CPVL: variants seen among roughly 807,000 people sequenced by gnomAD.
CPVL encodes carboxypeptidase vitellogenic like, also known as probable serine carboxypeptidase CPVL.
A neutral mutation model predicts 63.7 loss-of-function variants in CPVL; 51 were observed. The observed-to-expected ratio is 0.80, with a 90% confidence interval of 0.64 to 1.01. The LOEUF is 1.01. CPVL is among the 50% of genes least tolerant of loss of function. The pLI, the probability that CPVL is intolerant of heterozygous loss-of-function variation, is 0.00. For synonymous variants in CPVL, 195 were observed against 206.0 expected (o/e 0.95, Z 0.46); for missense variants, 530 against 573.1 (o/e 0.92, Z 0.77).
chr7:29,178,797 A>T (rs558648408), intron 5 of CPVL, among the ~76,000 whole-genome samples: 1 of 152,232 alleles, frequency 6.6e-6, no homozygotes, highest in Non-Finnish European at 1.5e-5. Flanking sequence ...ATGAAAAATG[A>T]CTTAAATCCC....
chr7:29,140,535 T>C (rs73089048), intron 1 of CPVL, among the ~76,000 whole-genome samples: 23,907 of 152,182 alleles, frequency 0.16, 2,143 homozygotes, highest in East Asian at 0.31. Flanking sequence ...TGCAGTTCTG[T>C]GCCCCACTAC....
At chr7:29,171,233 C>A (rs759489520) in intron 5 of CPVL, among the ~76,000 whole-genome samples, 1 of 152,144 alleles carries the variant, frequency 6.6e-6, no homozygotes, top group Non-Finnish European at 1.5e-5. Context: ...TCACCTAATA[C>A]GCGTCCTACT....
chr7:29,088,791 G>A (rs1005067882), intron 6 of CPVL, among the ~76,000 whole-genome samples: 14 of 152,184 alleles, frequency 9.2e-5, no homozygotes, highest in African/African-American at 3.4e-4. Context: ...TCTGGCCAAC[G>A]TGGTGAAACC....
intron 11 of CPVL, among the ~76,000 whole-genome samples, chr7:29,043,944 G>A (rs1364074214): frequency 6.6e-6 from 1 of 152,132 alleles, no homozygotes; most frequent in Non-Finnish European, 1.5e-5. Context: ...AAACTGGAGT[G>A]GAAAGAGCAT....
At chr7:29,001,904 T>C (rs1342233761) in intron 12 of CPVL, among the ~76,000 whole-genome samples, 2 of 152,230 alleles carry the variant, frequency 1.3e-5, no homozygotes, top group Non-Finnish European at 2.9e-5. Flanking sequence ...CACAATAGCA[T>C]GTACCAAACC....
intron 11 of CPVL, among the ~76,000 whole-genome samples, chr7:29,057,965 C>G (rs545267084): frequency 6.6e-6 from 1 of 152,108 alleles, no homozygotes; most frequent in African/African-American, 2.4e-5. Context: ...TGTCAATCTT[C>G]TGACTTTATT....
chr7:29,058,446 CATAA>C lies in CPVL; in HGVS notation c.1137+5611_1137+5614del, dbSNP rs534056029. On this transcript the variant is annotated intron_variant, in intron 11 of 12. Transcript: ENST00000265394. The stretch of plus-strand genomic sequence containing the variant: ...TTTGTTGATTCTTCTGGATTTTCTA[CATAA>C]ATAATTATGTCATCTTCATTTAATC... Among the ~76,000 whole-genome samples the C allele has an allele frequency of 1.4e-3, 220 of 152,106 alleles. 1 individual carries two copies. Among genetic ancestry groups the C allele is most frequent in the African/African-American group, 5.0e-3 (208 of 41,542 alleles).
At chr7:29,159,547 T>C (rs2128707146) in intron 5 of CPVL, among the ~76,000 whole-genome samples, 2 of 152,322 alleles carry the variant, frequency 1.3e-5, no homozygotes, top group Middle Eastern at 6.8e-3. Context: ...AGTTCTCCTA[T>C]GTAGAGTGAT....
At chr7:29,075,748 T>C (rs1179689814) in intron 7 of CPVL, among the ~76,000 whole-genome samples, 1 of 116,944 alleles carries the variant, frequency 8.6e-6, no homozygotes, top group Non-Finnish European at 2.0e-5. Context: ...TCTTAGCTTT[T>C]TTTTTTTTTT....
chr7:29,030,753 T>C lies in CPVL; in HGVS notation c.1144A>G (p.Ile382Val). ...ATGATGTCCAGTTGGCCATTGTAGA[T>C]CAGAACCTGAAATGAAATCAAGCCA... ...TEIMNNYKVL[I>V]YNGQLDIIVA... The change falls in exon 12 of 13, where the codon ATC (isoleucine) becomes GTC (valine). Residue 382 changes from isoleucine (I) to valine (V), a missense_variant. By Grantham distance (29) the Ile-to-Val change is conservative. Transcript: ENST00000265394. 1.9e-6 allele frequency: 3 copies of C among 1,602,692 alleles called. No individual in the cohort carries two copies. Among genetic ancestry groups the C allele is most frequent in the Non-Finnish European group, 2.6e-6 (3 of 1,176,014 alleles).
At chr7:29,151,794 A>G (rs1036439145) in intron 5 of CPVL, among the ~76,000 whole-genome samples, 6 of 152,150 alleles carry the variant, frequency 3.9e-5, no homozygotes, top group Non-Finnish European at 7.3e-5. Context: ...CTTCTCATGT[A>G]TGGGAAGAGA....
intron 5 of CPVL, among the ~76,000 whole-genome samples, chr7:29,167,386 T>A (rs1455216466): frequency 1.3e-5 from 2 of 152,194 alleles, no homozygotes; most frequent in African/African-American, 4.8e-5. Context: ...ATTCAAAAAA[T>A]TATCCACTAT....
chr7:29,137,698 A>G lies in CPVL; in HGVS notation c.-11+8731T>C, dbSNP rs77080887. On this transcript the variant is annotated intron_variant, in intron 1 of 12. Coordinates refer to ENST00000265394, the MANE Select transcript of CPVL (RefSeq NM_031311.5). ...GGGTCTGCTTTTCATTAAAAGGAAA[A>G]CCTTACCGAGGACTCCTGTACTCTC... Among the ~76,000 whole-genome samples the G allele has an allele frequency of 3.3e-5, 5 of 152,162 alleles. No homozygotes were observed. The East Asian group carries it at 9.7e-4, about 29-fold the overall frequency.
At chr7:29,079,757 C>T (rs1011446616) in intron 7 of CPVL, among the ~76,000 whole-genome samples, 1 of 152,180 alleles carries the variant, frequency 6.6e-6, no homozygotes, top group Non-Finnish European at 1.5e-5. Flanking sequence ...CGCTCTCCCA[C>T]CCCACCTTGG....
At chr7:29,144,345 G>C (rs33999021) in intron 1 of CPVL, among the ~76,000 whole-genome samples, 18,183 of 152,088 alleles carry the variant, frequency 0.12, 1,129 homozygotes, top group Non-Finnish European at 0.14. Flanking sequence ...AGGATCACTT[G>C]AGGTCAGGAG....
At chr7:29,069,338 G>A (rs1783477237) in intron 9 of CPVL, among the ~76,000 whole-genome samples, 1 of 151,748 alleles carries the variant, frequency 6.6e-6, no homozygotes. Context: ...CTACTCGGGA[G>A]GCTGAGGCAG....
chr7:29,046,484 C>G (rs1242841372), intron 11 of CPVL, among the ~76,000 whole-genome samples: 1 of 152,126 alleles, frequency 6.6e-6, no homozygotes, highest in African/African-American at 2.4e-5. Context: ...GATGGTTCCT[C>G]TTAAAACTGC....
chr7:29,140,416 T>C (rs1461898975), intron 1 of CPVL, among the ~76,000 whole-genome samples: 2 of 152,134 alleles, frequency 1.3e-5, no homozygotes, highest in African/African-American at 2.4e-5. Flanking sequence ...TGTGGAGTAG[T>C]TAAAGATGAA....
At chr7:29,167,357 G>A (rs905825819) in intron 5 of CPVL, among the ~76,000 whole-genome samples, 1 of 151,966 alleles carries the variant, frequency 6.6e-6, no homozygotes, top group Non-Finnish European at 1.5e-5. Flanking sequence ...TATCCTAAAT[G>A]GTATTTCATT....
Sources: gnomAD v4.1 joint callset for allele counts (sites outside exome capture counted in the v4.1 genomes callset) on GRCh38, gnomAD v4.1.1 for gene constraint, MANE v1.5 for transcripts, NCBI Gene and HGNC (gene_info 2026-07-23, HGNC 2026-07-21) for gene names.